BTC: variants seen among roughly 807,000 people sequenced by gnomAD.
BTC encodes probetacellulin.
BTC carries 13 observed loss-of-function variants against 18.1 expected under a neutral mutation model. The ratio of observed to expected loss-of-function variants is 0.72; its 90% CI spans 0.47 to 1.14. The LOEUF is 1.14. Ranked by LOEUF, BTC falls within the 50% of genes most tolerant of loss-of-function variation. The pLI, the probability that BTC is intolerant of heterozygous loss-of-function variation, is 0.00. For synonymous variants in BTC, 83 were observed against 79.4 expected, an observed-to-expected ratio of 1.05 and a Z score of -0.24; for missense variants, 247 against 224.2, an observed-to-expected ratio of 1.10 and a Z score of -0.65.
At chr4:74,780,713 A>C (rs530609752) in intron 1 of BTC, among the ~76,000 whole-genome samples, 1 of 152,104 alleles carries the variant, frequency 6.6e-6, no homozygotes, top group Non-Finnish European at 1.5e-5. Flanking sequence ...TAATGCAAAA[A>C]CTAAGCCTGG....
At chr4:74,765,408 A>G (rs1370851788) in intron 2 of BTC, among the ~76,000 whole-genome samples, 4 of 152,138 alleles carry the variant, frequency 2.6e-5, no homozygotes, top group Non-Finnish European at 5.9e-5. Flanking sequence ...AAACTTAAAG[A>G]CAGATAATTG....
At chr4:74,772,455 G>T (rs1725067813) in intron 1 of BTC, among the ~76,000 whole-genome samples, 1 of 151,960 alleles carries the variant, frequency 6.6e-6, no homozygotes, top group African/African-American at 2.4e-5. Flanking sequence ...AGAATTTAAT[G>T]AATATTCAAC....
intron 5 of BTC, among the ~76,000 whole-genome samples, chr4:74,747,192 A>G (rs2109873898): frequency 6.6e-6 from 1 of 152,304 alleles, no homozygotes; most frequent in South Asian, 2.1e-4. Flanking sequence ...TGTGCTAGTT[A>G]CGCGTCATGT....
At chr4:74,766,839 T>C (rs1353877492) in intron 2 of BTC, among the ~76,000 whole-genome samples, 1 of 152,066 alleles carries the variant, frequency 6.6e-6, no homozygotes, top group Non-Finnish European at 1.5e-5. Flanking sequence ...TTAATTAATA[T>C]AGACTCATTC....
chr4:74,789,622 T>C (rs1020973676), intron 1 of BTC, among the ~76,000 whole-genome samples: 4 of 152,182 alleles, frequency 2.6e-5, no homozygotes, highest in African/African-American at 4.8e-5. Flanking sequence ...TATTTATGCA[T>C]GGCTATCTGT....
chr4:74,779,299 T>C (rs1411968855), intron 1 of BTC, among the ~76,000 whole-genome samples: 2 of 152,206 alleles, frequency 1.3e-5, no homozygotes, highest in Non-Finnish European at 2.9e-5. Flanking sequence ...TTCAGGTATC[T>C]GAAAACTGTC....
chr4:74,784,927 A>G (rs1725440530), intron 1 of BTC, among the ~76,000 whole-genome samples: 1 of 152,152 alleles, frequency 6.6e-6, no homozygotes, highest in South Asian at 2.1e-4. Context: ...TATCAGGATG[A>G]TGCTGGCCTC....
chr4:74,793,422 C>A (rs1165254323), intron 1 of BTC, among the ~76,000 whole-genome samples: 1 of 152,198 alleles, frequency 6.6e-6, no homozygotes, highest in Non-Finnish European at 1.5e-5. Context: ...ATCGTGGTGA[C>A]ACTTCAGCTG....
At chr4:74,775,451 C>G (rs1028966875) in intron 1 of BTC, among the ~76,000 whole-genome samples, 1 of 151,926 alleles carries the variant, frequency 6.6e-6, no homozygotes, top group South Asian at 2.1e-4. Context: ...GATTTCCACT[C>G]AAAAAGATCA....
intron 1 of BTC, among the ~76,000 whole-genome samples, chr4:74,778,750 G>A (rs961428976): frequency 2.6e-5 from 4 of 152,132 alleles, no homozygotes; most frequent in African/African-American, 7.2e-5. Flanking sequence ...CAGAACTCAT[G>A]CCCTGGGACA....
chr4:74,793,695 G>T (rs544128493), intron 1 of BTC, among the ~76,000 whole-genome samples: 30 of 152,226 alleles, frequency 2.0e-4, no homozygotes, highest in African/African-American at 7.0e-4. Context: ...CTCCTAAGGA[G>T]GCAGGAGAGA....
At chr4:74,761,898 G>A (rs1560714029) in intron 2 of BTC, among the ~76,000 whole-genome samples, 1 of 152,092 alleles carries the variant, frequency 6.6e-6, no homozygotes, top group African/African-American at 2.4e-5. Context: ...GAAAAAACCT[G>A]AAGGCCTTAT....
intron 3 of BTC, among the ~76,000 whole-genome samples, chr4:74,755,331 G>A (rs1724569225): frequency 6.6e-6 from 1 of 152,196 alleles, no homozygotes; most frequent in Non-Finnish European, 1.5e-5. Context: ...GTATGCCTGA[G>A]TAAAATTGAG....
chr4:74,768,433 G>C (rs888160312), intron 2 of BTC, among the ~76,000 whole-genome samples: 6 of 152,080 alleles, frequency 3.9e-5, no homozygotes, highest in African/African-American at 1.2e-4. Context: ...TTACAAAAGA[G>C]AAAAATACTG....
At chr4:74,749,363 G>A (rs1372305269) in intron 4 of BTC, among the ~76,000 whole-genome samples, 4 of 151,966 alleles carry the variant, frequency 2.6e-5, no homozygotes, top group Non-Finnish European at 4.4e-5. Flanking sequence ...GGAAGCTGAG[G>A]TAGGAGAATT....
At chr4:74,792,856 C>T (rs1246260395) in intron 1 of BTC, among the ~76,000 whole-genome samples, 1 of 152,216 alleles carries the variant, frequency 6.6e-6, no homozygotes, top group Non-Finnish European at 1.5e-5. Context: ...TTTCTGATTC[C>T]GTGAATTTTT....
chr4:74,783,428 C>T (rs1377136497), intron 1 of BTC, among the ~76,000 whole-genome samples: 1 of 152,028 alleles, frequency 6.6e-6, no homozygotes, highest in Non-Finnish European at 1.5e-5. Flanking sequence ...GGTCTTATCT[C>T]TGAGTTCCCT....
At chr4:74,754,100 A>C (rs1328070359) in intron 3 of BTC, among the ~76,000 whole-genome samples, 1 of 152,208 alleles carries the variant, frequency 6.6e-6, no homozygotes, top group African/African-American at 2.4e-5. Flanking sequence ...ATCTTACTTT[A>C]GGTCTATCTG....
intron 1 of BTC, among the ~76,000 whole-genome samples, chr4:74,788,354 A>G (rs1725537676): frequency 6.6e-6 from 1 of 152,212 alleles, no homozygotes; most frequent in African/African-American, 2.4e-5. Flanking sequence ...ACCAAGGAAG[A>G]ATTGTCACTA....
Sources: allele counts gnomAD v4.1 joint callset (sites outside exome capture counted in the v4.1 genomes callset), GRCh38; gene constraint gnomAD v4.1.1; transcripts MANE v1.5; gene names NCBI Gene and HGNC (gene_info 2026-07-23, HGNC 2026-07-21).